Variants in ADGB observed in about 807,000 individuals in gnomAD.
ADGB encodes the protein calpain-7-like protein.
A neutral mutation model predicts 210.5 loss-of-function variants in ADGB; 172 were observed. The ratio of observed to expected loss-of-function variants is 0.82; its 90% confidence interval spans 0.72 to 0.93. The LOEUF is 0.93. ADGB is among the 40% of genes least tolerant of loss of function. The pLI, the probability that ADGB is intolerant of heterozygous loss-of-function variation, is 0.00. For missense variants in ADGB, 2,025 were observed against 1,964.8 expected (o/e 1.03, Z -0.58); for synonymous variants, 658 against 662.7 (o/e 0.99, Z 0.11).
At chr6:146,640,713 C>G (rs1024190187) in intron 2 of ADGB, among the ~76,000 whole-genome samples, 2 of 151,922 alleles carry the variant, frequency 1.3e-5, no homozygotes, top group African/African-American at 4.8e-5. Flanking sequence ...ATTTGACACC[C>G]CTTCATGTAA....
intron 16 of ADGB, among the ~76,000 whole-genome samples, chr6:146,719,833 A>G (rs1323914005): frequency 6.6e-6 from 1 of 152,150 alleles, no homozygotes; most frequent in Non-Finnish European, 1.5e-5. Flanking sequence ...TCATATTTTC[A>G]GATAGTGAAT....
chr6:146,701,596 T>C (rs1037992752), intron 13 of ADGB, among the ~76,000 whole-genome samples: 2 of 152,040 alleles, frequency 1.3e-5, no homozygotes, highest in Non-Finnish European at 2.9e-5. Flanking sequence ...TTGAAACAGG[T>C]ACAAGAGTTT....
Position 146,691,198 on chromosome 6 carries a change from G to A in ADGB, c.1394G>A (p.Cys465Tyr). 1 of 1,549,444 alleles carries A rather than the reference G, an allele frequency of 6.5e-7. No individual in the cohort carries two copies. Among genetic ancestry groups the A allele is most frequent in the Non-Finnish European group, 8.7e-7 (1 of 1,146,348 alleles). Residue 465 changes from cysteine to tyrosine, a missense_variant, in exon 11 of 36, where the codon TGT (cysteine) becomes TAT (tyrosine). Physicochemically the swap from Cys to Tyr is radical, Grantham distance 194 (BLOSUM62 -2). Coordinates refer to ENST00000397944, the MANE Select transcript of ADGB (RefSeq NM_024694.4). ...HPVLVTRSRSCPLVAPPKPPP... is the reference protein window; with the variant it reads ...HPVLVTRSRSYPLVAPPKPPP... ...GTGCTGGTGACTAGAAGTAGGTCTT[G>A]TCCTCTGGTAGCACCACCAAAACCA...
At chr6:146,680,955 TG>T (rs34308579) in intron 9 of ADGB, among the ~76,000 whole-genome samples, 1 of 152,142 alleles carries the variant, frequency 6.6e-6, no homozygotes, top group African/African-American at 2.4e-5. Flanking sequence ...TCTATACCAG[TG>T]GGAAGTAAAA....
chr6:146,630,192 G>A (rs982567591), intron 1 of ADGB, among the ~76,000 whole-genome samples: 5 of 151,936 alleles, frequency 3.3e-5, no homozygotes, highest in Admixed American at 2.0e-4. Flanking sequence ...AGCTGAGATC[G>A]CACCATTGCA....
intron 13 of ADGB, among the ~76,000 whole-genome samples, chr6:146,712,243 G>A (rs1047492820): frequency 2.0e-5 from 3 of 151,658 alleles, no homozygotes; most frequent in African/African-American, 7.3e-5. Context: ...GGAGTGCAGT[G>A]GAGTGATCTT....
At chr6:146,718,779 T>C (rs1351305913) in intron 16 of ADGB, among the ~76,000 whole-genome samples, 1 of 152,214 alleles carries the variant, frequency 6.6e-6, no homozygotes, top group Non-Finnish European at 1.5e-5. Flanking sequence ...TTGTAACAGA[T>C]GAAAACGGGC....
intron 26 of ADGB, among the ~76,000 whole-genome samples, chr6:146,749,415 T>C (rs1777288033): frequency 6.6e-6 from 1 of 152,074 alleles, no homozygotes; most frequent in Non-Finnish European, 1.5e-5. Context: ...CTGATGTTTG[T>C]GGGAATGTCT....
intron 29 of ADGB, chr6:146,770,577 G>A (rs1209507131): frequency 4.3e-6 from 2 of 470,144 alleles, no homozygotes; most frequent in Non-Finnish European, 8.8e-6. Context: ...TTTAATGAAT[G>A]AATGCATGAA....
intron 10 of ADGB, among the ~76,000 whole-genome samples, chr6:146,686,484 C>T (rs553341846): frequency 1.3e-5 from 2 of 151,834 alleles, no homozygotes; most frequent in South Asian, 2.1e-4. Context: ...ACTGGAATCA[C>T]ACTTTATGTT....
At chr6:146,759,507 C>T (rs939798575) in intron 27 of ADGB, among the ~76,000 whole-genome samples, 32 of 151,506 alleles carry the variant, frequency 2.1e-4, no homozygotes, top group African/African-American at 7.2e-4. Context: ...GCCCTATAGG[C>T]TAGGAATAAT....
chr6:146,654,948 A>C (rs944991971), intron 4 of ADGB, among the ~76,000 whole-genome samples: 2 of 152,108 alleles, frequency 1.3e-5, no homozygotes, highest in African/African-American at 4.8e-5. Context: ...ACCCCTTACC[A>C]ACATCGCCCC....
intron 23 of ADGB, among the ~76,000 whole-genome samples, chr6:146,737,153 A>C (rs1186520704): frequency 6.6e-6 from 1 of 152,132 alleles, no homozygotes; most frequent in Non-Finnish European, 1.5e-5. Flanking sequence ...GCAGAAAAAA[A>C]AAACCTCTAA....
chr6:146,651,105 T>C (rs879158017), intron 3 of ADGB, among the ~76,000 whole-genome samples: 1 of 152,200 alleles, frequency 6.6e-6, no homozygotes, highest in Admixed American at 6.5e-5. Flanking sequence ...CAAGAGATGA[T>C]GCCATGAACG....
Position 146,815,127 on chromosome 6 carries a change from G to GGCTGCTCAGGAA in ADGB, c.4917_4928dup (p.Gln1641_Ala1644dup). On this transcript the variant is annotated inframe_insertion, in exon 36 of 36. Transcript: ENST00000397944. ...CTGAGCACCTAAAGCTGGAAACTCT[G>GGCTGCTCAGGAA]GCTGCTCAGGAAGCAGCCATGAAGC... The GGCTGCTCAGGAA allele has an allele frequency of 6.5e-7, 1 of 1,548,068 alleles. No individual in the cohort carries two copies. The highest frequency in any genetic ancestry group is 2.0e-5 in the Admixed American group (1 of 49,790).
chr6:146,662,835 A>G (rs1206246694), intron 5 of ADGB, among the ~76,000 whole-genome samples: 1 of 151,044 alleles, frequency 6.6e-6, no homozygotes, highest in Non-Finnish European at 1.5e-5. Flanking sequence ...AGTTTAGTTT[A>G]TAAAGCCTCT....
chr6:146,785,040 T>C (rs1338430121), intron 31 of ADGB, among the ~76,000 whole-genome samples: 2 of 152,156 alleles, frequency 1.3e-5, no homozygotes, highest in Admixed American at 6.6e-5. Flanking sequence ...AGGCCCACAC[T>C]ATGGGTTACC....
chr6:146,785,771 TA>T (rs1562300532), intron 32 of ADGB, 59 bp downstream of exon 32: 1 of 1,220,808 alleles, frequency 8.2e-7, no homozygotes, highest in South Asian at 1.4e-5. Flanking sequence ...TTGCACTTCT[TA>T]AAAAAATAAT....
chr6:146,795,706 A>G (rs1432816211), intron 33 of ADGB, among the ~76,000 whole-genome samples: 1 of 152,198 alleles, frequency 6.6e-6, no homozygotes, highest in African/African-American at 2.4e-5. Flanking sequence ...GGGAGTGTAA[A>G]TTAGCTCAAC....
Sources: allele counts gnomAD v4.1 joint callset (sites outside exome capture counted in the v4.1 genomes callset), GRCh38; gene constraint gnomAD v4.1.1; transcripts MANE v1.5; gene names NCBI Gene and HGNC (gene_info 2026-07-23, HGNC 2026-07-21).